The following KIAA0930 variants were observed in gnomAD, a reference collection of about 807,000 sequenced individuals.
The protein encoded by KIAA0930 is KIAA0930, also known as uncharacterized protein KIAA0930.
Under a neutral mutation model 43.9 loss-of-function variants are expected in KIAA0930, and 24 were observed. The ratio of observed to expected loss-of-function variants is 0.55; its 90% CI spans 0.40 to 0.77. The LOEUF is 0.77. Among genes scored for constraint, KIAA0930 ranks in the 30% least tolerant of loss-of-function variants. KIAA0930 has a pLI of 0.00. For missense variants in KIAA0930, 461 were observed against 574.2 expected, an observed-to-expected ratio of 0.80 and a Z score of 2.02; for synonymous variants, 259 against 216.4, an observed-to-expected ratio of 1.20 and a Z score of -1.73.
chr22:45,233,306 G>A (rs2083865867), intron 1 of KIAA0930, among the ~76,000 whole-genome samples: 1 of 152,200 alleles, frequency 6.6e-6, no homozygotes, highest in East Asian at 1.9e-4. Flanking sequence ...TCTGGACACG[G>A]TGTGGTACAG....
At chr22:45,203,708 G>T in intron 6 of KIAA0930, 137 bp downstream of exon 6, 1 of 936,044 alleles carries the variant, frequency 1.1e-6, no homozygotes, top group Non-Finnish European at 1.6e-6. Flanking sequence ...GAAGGAGCCC[G>T]GAGGGGCTGC....
At chr22:45,233,305 G>T (rs5765225) in intron 1 of KIAA0930, among the ~76,000 whole-genome samples, 1 of 151,948 alleles carries the variant, frequency 6.6e-6, no homozygotes, top group East Asian at 1.9e-4. Context: ...CTCTGGACAC[G>T]GTGTGGTACA....
chr22:45,218,333 A>ATTT (rs752298111), intron 1 of KIAA0930, among the ~76,000 whole-genome samples: 1,825 of 51,736 alleles, frequency 0.035, 165 homozygotes, highest in Middle Eastern at 0.06. Flanking sequence ...AATTTTTTTG[A>ATTT]TTTTTTTTTT....
intron 1 of KIAA0930, among the ~76,000 whole-genome samples, chr22:45,218,422 G>T (rs2083747204): frequency 7.7e-6 from 1 of 130,366 alleles, no homozygotes; most frequent in African/African-American, 3.1e-5. Flanking sequence ...GACCTCAGGT[G>T]ATCCACCTGC....
chr22:45,212,190 CCCCCACATTTCTGG>C, intron 1 of KIAA0930, 83 bp from the exon 2 acceptor site: 1 of 1,613,070 alleles, frequency 6.2e-7, no homozygotes, highest in Non-Finnish European at 8.5e-7. Flanking sequence ...TGCGCCCATA[CCCCCACATTTCTGG>C]CCAGAAATTT....
In KIAA0930 at chr22:45,203,830, C is replaced by T; in HGVS notation, c.657+15G>A. 6.2e-7 allele frequency: 1 copy of T among 1,612,686 alleles called. No individual in the cohort carries two copies. Among genetic ancestry groups the T allele is most frequent in the African/African-American group, 1.3e-5 (1 of 74,996 alleles). On this transcript the variant is annotated intron_variant, in intron 6 of 9. Coordinates refer to ENST00000336156, the MANE Select transcript of KIAA0930 (RefSeq NM_001009880.2). ...CGGGCCCAGAAGAACACCCGTGAGGCCGCCCCGCACTCACCCGGTTGTCAT... is the reference window on the plus strand; with the variant it reads ...CGGGCCCAGAAGAACACCCGTGAGGTCGCCCCGCACTCACCCGGTTGTCAT...
intron 1 of KIAA0930, 89 bp from the exon 2 acceptor site, chr22:45,212,196 C>T (rs2083700643): frequency 6.2e-7 from 1 of 1,613,120 alleles, no homozygotes; most frequent in Non-Finnish European, 8.5e-7. Context: ...CATACCCCCA[C>T]ATTTCTGGCC....
At chr22:45,227,291 A>AG (rs2083808046) in intron 1 of KIAA0930, among the ~76,000 whole-genome samples, 1 of 152,086 alleles carries the variant, frequency 6.6e-6, no homozygotes, top group African/African-American at 2.4e-5. Flanking sequence ...CTCCGCAGGC[A>AG]ACGTCCTTGG....
chr22:45,221,684 TA>T (rs2083768715), intron 1 of KIAA0930, among the ~76,000 whole-genome samples: 1 of 152,224 alleles, frequency 6.6e-6, no homozygotes, highest in Non-Finnish European at 1.5e-5. Context: ...TGGAACAGAA[TA>T]GAAAGCAAAA....
In KIAA0930 at chr22:45,194,181, TCTC is replaced by T. The variant is rs937013391; in HGVS notation, c.*2992_*2994del. On this transcript the variant is annotated 3_prime_UTR_variant, in exon 10 of 10. Coordinates refer to ENST00000336156, the MANE Select transcript of KIAA0930 (RefSeq NM_001009880.2). ...CCTCTGCCTACTAGGTTCAAGTGAT[TCTC>T]CTTCCTCAGCCTTCCGAGTAGCTGG... is the stretch of plus-strand genomic sequence containing the variant. 6.7e-6 allele frequency: 1 copy of T among 149,036 alleles called. No individual in the cohort carries two copies. The highest frequency in any genetic ancestry group is 1.5e-5 in the Non-Finnish European group (1 of 67,690). The allele number at this position is 149,036 out of a possible 1,614,324, so 9.2% of individuals were successfully genotyped here.
chr22:45,215,142 C>T (rs528146423), intron 1 of KIAA0930, among the ~76,000 whole-genome samples: 10 of 152,106 alleles, frequency 6.6e-5, no homozygotes, highest in South Asian at 4.2e-4. Flanking sequence ...CACTTGAACC[C>T]GGGAGGCAGA....
intron 1 of KIAA0930, among the ~76,000 whole-genome samples, chr22:45,218,847 C>A (rs931962208): frequency 6.6e-6 from 1 of 152,060 alleles, no homozygotes; most frequent in Non-Finnish European, 1.5e-5. Context: ...GAGTCCCCAG[C>A]GGGGTGGGCT....
In KIAA0930 at chr22:45,212,816, G is replaced by A. The variant is rs184716075; in HGVS notation, c.65-709C>T. Among the ~76,000 whole-genome samples, 460 of 152,368 alleles carry A rather than the reference G, an allele frequency of 3.0e-3. 2 individuals are homozygous for A. The highest frequency in any genetic ancestry group is 0.01 in the African/African-American group (427 of 41,578). On this transcript the variant is annotated intron_variant, in intron 1 of 9. Transcript: ENST00000336156. ...GGTTTCCATTCCAGCGCTGCCGCTG[G>A]TGATGGGACAATGGGCGGGGGCTCT...
At chr22:45,228,139 C>T (rs991113378) in intron 1 of KIAA0930, among the ~76,000 whole-genome samples, 43 of 152,192 alleles carry the variant, frequency 2.8e-4, no homozygotes, top group Admixed American at 1.0e-3. Flanking sequence ...TGAGAGGGTT[C>T]GATTTCTATT....
chr22:45,205,347 T>G (rs760940788), intron 4 of KIAA0930, 29 bp from the exon 5 acceptor site: 8 of 1,587,214 alleles, frequency 5.0e-6, no homozygotes, highest in Non-Finnish European at 6.1e-6. Flanking sequence ...GGAGGACAAG[T>G]GAGGCCCCAC....
intron 1 of KIAA0930, among the ~76,000 whole-genome samples, chr22:45,215,525 G>A (rs971017130): frequency 2.0e-5 from 3 of 152,156 alleles, no homozygotes; most frequent in Non-Finnish European, 4.4e-5. Context: ...CAATGAAGAC[G>A]ACGAAAGGAA....
intron 1 of KIAA0930, 150 bp from the exon 2 acceptor site, chr22:45,212,257 A>C: frequency 6.2e-7 from 1 of 1,610,532 alleles, no homozygotes; most frequent in Non-Finnish European, 8.5e-7. Flanking sequence ...ACCACTCCCG[A>C]CCCCCACCCA....
At chr22:45,217,660 T>C (rs2083742090) in intron 1 of KIAA0930, among the ~76,000 whole-genome samples, 1 of 152,178 alleles carries the variant, frequency 6.6e-6, no homozygotes, top group South Asian at 2.1e-4. Flanking sequence ...TGACCTCAGC[T>C]GGAAACCTGT....
At chr22:45,224,489 T>C (rs1001363750) in intron 1 of KIAA0930, among the ~76,000 whole-genome samples, 1 of 152,188 alleles carries the variant, frequency 6.6e-6, no homozygotes, top group African/African-American at 2.4e-5. Flanking sequence ...AACGAGGACA[T>C]GGCAGGAGGG....
Sources: gnomAD v4.1 joint callset for allele counts (sites outside exome capture counted in the v4.1 genomes callset) on GRCh38, gnomAD v4.1.1 for gene constraint, MANE v1.5 for transcripts, NCBI Gene and HGNC (gene_info 2026-07-23, HGNC 2026-07-21) for gene names.